CDYL2: variants seen among roughly 807,000 people sequenced by gnomAD.
The protein encoded by CDYL2 is chromodomain Y-like protein 2.
CDYL2 carries 23 observed loss-of-function variants against 49.4 expected under a neutral mutation model. The ratio of observed to expected loss-of-function variants is 0.47; its 90% CI spans 0.34 to 0.66. The LOEUF is 0.66. Ranked by LOEUF, CDYL2 falls within the 30% of genes least tolerant of loss-of-function variation. The pLI is 0.01. For synonymous variants in CDYL2, 360 were observed against 268.8 expected, an observed-to-expected ratio of 1.34 and a Z score of -3.32; for missense variants, 678 against 656.4, an observed-to-expected ratio of 1.03 and a Z score of -0.36.
At chr16:80,688,305 T>C (rs1336083515) in intron 1 of CDYL2, among the ~76,000 whole-genome samples, 2 of 152,164 alleles carry the variant, frequency 1.3e-5, no homozygotes, top group Non-Finnish European at 2.9e-5. Context: ...CCATCTCTAA[T>C]AGCCTGGTAT....
intron 3 of CDYL2, among the ~76,000 whole-genome samples, chr16:80,629,481 G>A (rs928634754): frequency 1.3e-5 from 2 of 152,178 alleles, no homozygotes; most frequent in African/African-American, 2.4e-5. Flanking sequence ...TGAGAGTAGT[G>A]GTAGGATTGT....
chr16:80,682,294 A>C (rs1265301173), intron 2 of CDYL2, among the ~76,000 whole-genome samples: 1 of 152,204 alleles, frequency 6.6e-6, no homozygotes, highest in Non-Finnish European at 1.5e-5. Flanking sequence ...AAATATGAGG[A>C]AGATAAGAGA....
intron 2 of CDYL2, among the ~76,000 whole-genome samples, chr16:80,671,708 CG>C (rs1467763467): frequency 3.9e-5 from 6 of 151,972 alleles, no homozygotes; most frequent in African/African-American, 1.5e-4. Flanking sequence ...TAAACGATAC[CG>C]AGGCTCCTCT....
intron 1 of CDYL2, among the ~76,000 whole-genome samples, chr16:80,793,934 GT>G (rs1276556235): frequency 6.6e-6 from 1 of 152,064 alleles, no homozygotes; most frequent in Non-Finnish European, 1.5e-5. Context: ...TCTGCATTTG[GT>G]TGTTTGTAAA....
At chr16:80,608,518 G>A (rs1234408776) in intron 5 of CDYL2, among the ~76,000 whole-genome samples, 3 of 152,160 alleles carry the variant, frequency 2.0e-5, no homozygotes, top group Admixed American at 1.3e-4. Flanking sequence ...GCAGACCCAT[G>A]GGCATGGGTT....
At chr16:80,622,054 C>T (rs897398894) in intron 3 of CDYL2, among the ~76,000 whole-genome samples, 2 of 152,204 alleles carry the variant, frequency 1.3e-5, no homozygotes, top group Non-Finnish European at 2.9e-5. Context: ...CAAGGCCACA[C>T]AGTTGGTAAG....
intron 1 of CDYL2, among the ~76,000 whole-genome samples, chr16:80,703,095 T>C (rs1410555552): frequency 6.6e-6 from 1 of 152,052 alleles, no homozygotes; most frequent in Non-Finnish European, 1.5e-5. Flanking sequence ...GGAAACCCCA[T>C]TAACAGAATT....
intron 3 of CDYL2, among the ~76,000 whole-genome samples, chr16:80,628,645 A>C (rs939131678): frequency 6.6e-5 from 10 of 151,392 alleles, no homozygotes; most frequent in African/African-American, 2.2e-4. Flanking sequence ...GCTGTTTTAA[A>C]ATGCTAAGTT....
intron 2 of CDYL2, among the ~76,000 whole-genome samples, chr16:80,655,750 G>A (rs1362511108): frequency 6.6e-6 from 1 of 152,172 alleles, no homozygotes; most frequent in African/African-American, 2.4e-5. Context: ...GATTCAAAAT[G>A]TGTGCAATTC....
intron 2 of CDYL2, among the ~76,000 whole-genome samples, chr16:80,647,724 G>A (rs565103334): frequency 1.3e-5 from 2 of 152,242 alleles, no homozygotes; most frequent in South Asian, 4.1e-4. Context: ...TCCAATGGCT[G>A]CAGCATTCTC....
At chr16:80,753,549 G>A (rs1906209127) in intron 1 of CDYL2, among the ~76,000 whole-genome samples, 1 of 152,056 alleles carries the variant, frequency 6.6e-6, no homozygotes, top group African/African-American at 2.4e-5. Context: ...TGAAGGTTGT[G>A]ATGAGCCAAG....
intron 2 of CDYL2, among the ~76,000 whole-genome samples, chr16:80,678,557 A>G (rs954501033): frequency 7.2e-5 from 11 of 151,944 alleles, no homozygotes; most frequent in Non-Finnish European, 1.3e-4. Flanking sequence ...CAAAACCACA[A>G]TGAGATACCA....
Position 80,633,209 on chromosome 16 carries a change from T to A in CDYL2, c.644A>T (p.Asn215Ile). 1 of 1,614,168 alleles carries A rather than the reference T, an allele frequency of 6.2e-7. No individual in the cohort carries two copies. Among genetic ancestry groups the A allele is most frequent in the Non-Finnish European group, 8.5e-7 (1 of 1,180,008 alleles). The change falls in exon 3 of 7, where the codon AAC (asparagine) becomes ATC (isoleucine). Residue 215 changes from asparagine to isoleucine, a missense_variant. Transcript: ENST00000570137. Reference protein sequence around the residue: ...LGSALTNGGLNLHSPVKRKLE... With the variant: ...LGSALTNGGLILHSPVKRKLE... ...CTTCCTCTTCACTGGACTGTGCAGG[T>A]TCAATCCCCCGTTGGTCAGAGCAGA... is the stretch of plus-strand genomic sequence containing the variant.
At chr16:80,705,315 T>C (rs978220943) in intron 1 of CDYL2, among the ~76,000 whole-genome samples, 2 of 152,202 alleles carry the variant, frequency 1.3e-5, no homozygotes, top group South Asian at 4.1e-4. Flanking sequence ...GAGATTCCTG[T>C]CTTCACTCTG....
chr16:80,787,980 A>G (rs1907491136), intron 1 of CDYL2, among the ~76,000 whole-genome samples: 1 of 152,192 alleles, frequency 6.6e-6, no homozygotes, highest in African/African-American at 2.4e-5. Context: ...ATCACAGTCC[A>G]CCAGGTACAA....
chr16:80,666,472 A>G (rs140550535), intron 2 of CDYL2, among the ~76,000 whole-genome samples: 1,605 of 152,218 alleles, frequency 0.011, 28 homozygotes, highest in African/African-American at 0.036. Flanking sequence ...AGAACTCACA[A>G]TGCCCTTCAT....
chr16:80,613,155 A>G (rs142063780), intron 4 of CDYL2, among the ~76,000 whole-genome samples: 1 of 152,180 alleles, frequency 6.6e-6, no homozygotes, highest in East Asian at 1.9e-4. Context: ...CACCCTAGAT[A>G]TTGACAGAAT....
chr16:80,698,026 A>C (rs1462248951), intron 1 of CDYL2, among the ~76,000 whole-genome samples: 1 of 130,412 alleles, frequency 7.7e-6, no homozygotes, highest in Non-Finnish European at 1.9e-5. Context: ...GACATTCTGC[A>C]CAGAAATAGA....
intron 4 of CDYL2, among the ~76,000 whole-genome samples, chr16:80,615,023 A>G (rs1906766492): frequency 1.3e-5 from 2 of 152,140 alleles, no homozygotes; most frequent in South Asian, 4.2e-4. Flanking sequence ...CTGCGGGGGT[A>G]GAAGGTATCT....
Sources: gnomAD v4.1 joint callset for allele counts (sites outside exome capture counted in the v4.1 genomes callset) on GRCh38, gnomAD v4.1.1 for gene constraint, MANE v1.5 for transcripts, NCBI Gene and HGNC (gene_info 2026-07-23, HGNC 2026-07-21) for gene names.